PRKN: variants seen among roughly 807,000 people sequenced by gnomAD.
PRKN encodes the protein parkin RBR E3 ubiquitin protein ligase, also known as E3 ubiquitin-protein ligase parkin.
Under a neutral mutation model 59.5 loss-of-function variants are expected in PRKN, and 56 were observed. The ratio of observed to expected loss-of-function variants is 0.94; its 90% CI spans 0.76 to 1.18. The LOEUF (loss-of-function observed/expected upper bound fraction) is 1.18. Ranked by LOEUF, PRKN falls within the 50% of genes most tolerant of loss-of-function variation. PRKN has a pLI of 0.00. For missense variants in PRKN, 657 were observed against 596.4 expected, an observed-to-expected ratio of 1.10 and a Z score of -1.06; for synonymous variants, 250 against 222.1, an observed-to-expected ratio of 1.13 and a Z score of -1.12.
chr6:162,347,557 G>T (rs1784455426), intron 2 of PRKN, among the ~76,000 whole-genome samples: 1 of 151,982 alleles, frequency 6.6e-6, no homozygotes, highest in East Asian at 1.9e-4. Flanking sequence ...AAATATGTGT[G>T]TTTGAATAAA....
In PRKN at chr6:161,997,060, A is replaced by G. The variant is rs536239234; in HGVS notation, c.619-23643T>C. Among the ~76,000 whole-genome samples the G allele has an allele frequency of 9.2e-4, 140 of 152,278 alleles. 1 individual carries two copies. The highest frequency in any genetic ancestry group is 6.8e-3 in the Middle Eastern group (2 of 294). On this transcript the variant is annotated intron_variant, in intron 5 of 11. Transcript: ENST00000366898. ...GCTTCAATTGCGTTCTCGAATGACA[A>G]TAAGTATGTACAATGAAATACGTAA...
intron 6 of PRKN, among the ~76,000 whole-genome samples, chr6:161,802,733 A>G (rs9295170): frequency 0.038 from 5,793 of 152,084 alleles, 367 homozygotes; most frequent in African/African-American, 0.13. Flanking sequence ...CCATAACATC[A>G]ATCACTTCCT....
chr6:161,832,583 C>T (rs1406111954), intron 6 of PRKN, among the ~76,000 whole-genome samples: 1 of 147,224 alleles, frequency 6.8e-6, no homozygotes. Flanking sequence ...GAGATCATGC[C>T]GCTGCACTCC....
chr6:162,238,155 C>T (rs1778823845), intron 3 of PRKN, among the ~76,000 whole-genome samples: 1 of 152,194 alleles, frequency 6.6e-6, no homozygotes, highest in Admixed American at 6.5e-5. Flanking sequence ...TGTGCCCCAT[C>T]TGCATCAATC....
intron 1 of PRKN, among the ~76,000 whole-genome samples, chr6:162,638,141 C>T (rs1468228225): frequency 6.6e-6 from 1 of 150,788 alleles, no homozygotes; most frequent in Non-Finnish European, 1.5e-5. Context: ...TGTAATTCCT[C>T]TATGTAAGGA....
intron 7 of PRKN, among the ~76,000 whole-genome samples, chr6:161,597,036 A>G (rs1351394689): frequency 6.6e-6 from 1 of 152,174 alleles, no homozygotes; most frequent in Non-Finnish European, 1.5e-5. Context: ...GCTTCTGGGG[A>G]GTCTATCACT....
At chr6:161,815,103 T>C (rs1791718871) in intron 6 of PRKN, among the ~76,000 whole-genome samples, 1 of 152,192 alleles carries the variant, frequency 6.6e-6, no homozygotes, top group Non-Finnish European at 1.5e-5. Flanking sequence ...TAAGCCGCAT[T>C]TCATCCCCAA....
At chr6:161,762,986 G>C (rs1363697679) in intron 7 of PRKN, among the ~76,000 whole-genome samples, 1 of 152,166 alleles carries the variant, frequency 6.6e-6, no homozygotes, top group African/African-American at 2.4e-5. Flanking sequence ...AAAAGATAAA[G>C]AGAGCATATA....
chr6:161,702,702 G>A (rs577329572), intron 7 of PRKN, among the ~76,000 whole-genome samples: 1 of 152,174 alleles, frequency 6.6e-6, no homozygotes, highest in South Asian at 2.1e-4. Flanking sequence ...GTAATTTTAG[G>A]CTATGTATAT....
At chr6:161,954,273 C>T (rs1373649488) in intron 6 of PRKN, among the ~76,000 whole-genome samples, 1 of 152,110 alleles carries the variant, frequency 6.6e-6, no homozygotes, top group Non-Finnish European at 1.5e-5. Flanking sequence ...TTCATCAGTT[C>T]CACTAAAGAC....
At chr6:162,589,140 T>C (rs1781196121) in intron 1 of PRKN, among the ~76,000 whole-genome samples, 1 of 152,202 alleles carries the variant, frequency 6.6e-6, no homozygotes, top group Admixed American at 6.5e-5. Context: ...TGATGTTTTA[T>C]CTTATTACAA....
intron 8 of PRKN, among the ~76,000 whole-genome samples, chr6:161,553,277 ATT>A (rs966319303): frequency 6.6e-6 from 1 of 151,976 alleles, no homozygotes; most frequent in South Asian, 2.1e-4. Context: ...CACCTGGATA[ATT>A]TTTTTCCTAT....
intron 10 of PRKN, among the ~76,000 whole-genome samples, chr6:161,370,821 G>C (rs1413596165): frequency 1.3e-5 from 2 of 152,158 alleles, no homozygotes; most frequent in Non-Finnish European, 2.9e-5. Context: ...AAACAGAGTT[G>C]GCTTAATTCA....
intron 7 of PRKN, among the ~76,000 whole-genome samples, chr6:161,682,125 C>T (rs1785388846): frequency 6.6e-6 from 1 of 152,154 alleles, no homozygotes; most frequent in South Asian, 2.1e-4. Context: ...CTGGAAGCCC[C>T]CATGGGAGGT....
At chr6:161,818,109 T>C (rs552112958) in intron 6 of PRKN, among the ~76,000 whole-genome samples, 4 of 152,196 alleles carry the variant, frequency 2.6e-5, no homozygotes, top group Non-Finnish European at 4.4e-5. Context: ...CAGGTGCAGA[T>C]GAACCTAATT....
chr6:161,904,102 G>A (rs1371083300), intron 6 of PRKN, among the ~76,000 whole-genome samples: 1 of 152,000 alleles, frequency 6.6e-6, no homozygotes, highest in Non-Finnish European at 1.5e-5. Context: ...GGGCTGCTAG[G>A]AAACTGCCCT....
chr6:162,080,156 C>T (rs181156692), intron 4 of PRKN, among the ~76,000 whole-genome samples: 1 of 151,998 alleles, frequency 6.6e-6, no homozygotes, highest in Non-Finnish European at 1.5e-5. Context: ...GAGATGATTT[C>T]TAAAGAGAGA....
intron 2 of PRKN, among the ~76,000 whole-genome samples, chr6:162,442,183 C>T (rs1256077598): frequency 6.6e-6 from 1 of 152,140 alleles, no homozygotes; most frequent in Non-Finnish European, 1.5e-5. Flanking sequence ...TCTTTGTATA[C>T]CCAAATTCTG....
chr6:161,962,372 A>G (rs2128248811), intron 6 of PRKN, among the ~76,000 whole-genome samples: 1 of 152,272 alleles, frequency 6.6e-6, no homozygotes, highest in Non-Finnish European at 1.5e-5. Context: ...TAAGGATAAA[A>G]TTGCCATTAG....
Sources: gnomAD v4.1 joint callset for allele counts (sites outside exome capture counted in the v4.1 genomes callset) on GRCh38, gnomAD v4.1.1 for gene constraint, MANE v1.5 for transcripts, NCBI Gene and HGNC (gene_info 2026-07-23, HGNC 2026-07-21) for gene names.